The following NEGR1 variants were observed in gnomAD, a reference collection of about 807,000 sequenced individuals.
NEGR1 encodes the protein neuronal growth regulator 1, also known as IgLON family member 4.
Under a neutral mutation model 40.9 loss-of-function variants are expected in NEGR1, and 10 were observed. The observed-to-expected ratio is 0.24, with a 90% CI of 0.15 to 0.42. The LOEUF is 0.42. Among genes scored for constraint, NEGR1 ranks in the 10% least tolerant of loss-of-function variants. NEGR1 has a pLI of 1.00. For synonymous variants in NEGR1, 185 were observed against 166.8 expected (o/e 1.11, Z -0.84); for missense variants, 352 against 438.9 (o/e 0.80, Z 1.77).
intron 3 of NEGR1, among the ~76,000 whole-genome samples, chr1:71,772,372 C>G (rs1285245113): frequency 6.6e-6 from 1 of 151,692 alleles, no homozygotes; most frequent in African/African-American, 2.4e-5. Flanking sequence ...CCACTGCACT[C>G]TAGTCTAGGC....
chr1:72,008,264 T>A (rs1167782371), intron 1 of NEGR1, among the ~76,000 whole-genome samples: 3 of 152,184 alleles, frequency 2.0e-5, no homozygotes, highest in Non-Finnish European at 4.4e-5. Flanking sequence ...CAAAGAAGGT[T>A]AGAATTTTCC....
chr1:71,691,062 A>G (rs554236438), intron 4 of NEGR1, among the ~76,000 whole-genome samples: 3 of 152,080 alleles, frequency 2.0e-5, no homozygotes, highest in African/African-American at 7.2e-5. Flanking sequence ...AAATCCTCTT[A>G]ACAAAGATAA....
chr1:71,842,984 TA>T (rs1469989583), intron 2 of NEGR1, among the ~76,000 whole-genome samples: 1 of 152,238 alleles, frequency 6.6e-6, no homozygotes, highest in Non-Finnish European at 1.5e-5. Flanking sequence ...CACTATTTTT[TA>T]AAAAACTTAA....
At chr1:72,180,614 T>G (rs577203708) in intron 1 of NEGR1, among the ~76,000 whole-genome samples, 15 of 152,158 alleles carry the variant, frequency 9.9e-5, no homozygotes, top group Admixed American at 3.9e-4. Context: ...TACAATTCAA[T>G]AGTGAAAAAA....
At position 71,398,397 on chromosome 1, in the gene NEGR1, C is replaced by T. The variant is rs562246463; in HGVS notation, c.*9049G>A. 47 of 156,526 alleles carry T rather than the reference C, an allele frequency of 3.0e-4. No individual in the cohort carries two copies. The highest frequency in any genetic ancestry group is 5.3e-4 in the Non-Finnish European group (38 of 71,536). The allele number at this position is 156,526 out of a possible 1,614,324, so 9.7% of individuals were successfully genotyped here. On this transcript the variant is annotated 3_prime_UTR_variant, in exon 7 of 7. Coordinates refer to ENST00000357731, the MANE Select transcript of NEGR1 (RefSeq NM_173808.3). ...TGCCTAAGGCCATGGGAGCCCACCT[C>T]TTGCATCAGCATGACCTGGATGTGA...
intron 1 of NEGR1, among the ~76,000 whole-genome samples, chr1:71,999,070 C>T (rs1646531615): frequency 6.6e-6 from 1 of 151,876 alleles, no homozygotes. Context: ...CTATGAAACA[C>T]ACAAATGCCA....
chr1:71,973,124 G>T (rs1231496078), intron 1 of NEGR1, among the ~76,000 whole-genome samples: 1 of 152,010 alleles, frequency 6.6e-6, no homozygotes, highest in Non-Finnish European at 1.5e-5. Flanking sequence ...AGACCATCCT[G>T]GCTAACACGG....
At chr1:71,624,689 T>C (rs1444384940) in intron 4 of NEGR1, among the ~76,000 whole-genome samples, 1 of 151,902 alleles carries the variant, frequency 6.6e-6, no homozygotes, top group Non-Finnish European at 1.5e-5. Context: ...ATCCCTCAGA[T>C]ATTGACATGT....
chr1:71,644,630 T>G (rs577734501), intron 4 of NEGR1, among the ~76,000 whole-genome samples: 1 of 152,120 alleles, frequency 6.6e-6, no homozygotes. Context: ...GTGTGAGATC[T>G]TGAGAATGCA....
At chr1:72,145,535 G>C (rs771909118) in intron 1 of NEGR1, among the ~76,000 whole-genome samples, 2 of 152,112 alleles carry the variant, frequency 1.3e-5, no homozygotes, top group Non-Finnish European at 2.9e-5. Flanking sequence ...CATGCATCTT[G>C]CTTTTCTACA....
chr1:72,123,156 A>C (rs1205536177), intron 1 of NEGR1, among the ~76,000 whole-genome samples: 1 of 151,920 alleles, frequency 6.6e-6, no homozygotes, highest in Non-Finnish European at 1.5e-5. Flanking sequence ...CTTCTATTTT[A>C]ATTGTTTCTG....
chr1:72,028,105 T>G (rs1470477198), intron 1 of NEGR1, among the ~76,000 whole-genome samples: 1 of 152,204 alleles, frequency 6.6e-6, no homozygotes, highest in Non-Finnish European at 1.5e-5. Context: ...CCAGTTAGCC[T>G]AACCAATTAT....
intron 5 of NEGR1, among the ~76,000 whole-genome samples, chr1:71,600,928 G>A (rs567090068): frequency 6.6e-6 from 1 of 152,242 alleles, no homozygotes; most frequent in African/African-American, 2.4e-5. Flanking sequence ...GTTCCAAACC[G>A]AACTGAGCGT....
At chr1:71,410,859 G>A (rs927329412) in intron 6 of NEGR1, among the ~76,000 whole-genome samples, 4 of 152,098 alleles carry the variant, frequency 2.6e-5, no homozygotes, top group African/African-American at 9.7e-5. Context: ...TCAACTACTT[G>A]ATCTTAAGAA....
At chr1:72,001,198 G>A (rs1201693484) in intron 1 of NEGR1, among the ~76,000 whole-genome samples, 2 of 151,938 alleles carry the variant, frequency 1.3e-5, no homozygotes, top group East Asian at 3.9e-4. Context: ...ACTGTGAAAT[G>A]GCAACCATTT....
At chr1:71,693,927 C>A (rs889618927) in intron 4 of NEGR1, among the ~76,000 whole-genome samples, 1 of 151,728 alleles carries the variant, frequency 6.6e-6, no homozygotes, top group East Asian at 1.9e-4. Flanking sequence ...CTTGATTCAT[C>A]ACACTTTCTA....
Position 71,735,363 on chromosome 1 carries a change from A to G in NEGR1, c.536-37224T>C, listed in dbSNP as rs1008380603. Among the ~76,000 whole-genome samples the G allele has an allele frequency of 3.9e-5, 6 of 152,238 alleles. No individual in the cohort carries two copies. The Middle Eastern group carries it at 0.014, about 345-fold the overall frequency. On this transcript the variant is annotated intron_variant, in intron 3 of 6. Coordinates refer to ENST00000357731, the MANE Select transcript of NEGR1 (RefSeq NM_173808.3). ...TGATTTTTAACCCACCACTAACTGT[A>G]AGCTGTTGAGAGCACAAAATACATC...
chr1:71,942,996 A>G (rs1645982354), intron 1 of NEGR1, among the ~76,000 whole-genome samples: 1 of 134,960 alleles, frequency 7.4e-6, no homozygotes, highest in South Asian at 2.2e-4. Context: ...GTGTATATAT[A>G]TGTGTGTGTA....
chr1:71,923,222 T>C (rs1455502778), intron 2 of NEGR1, among the ~76,000 whole-genome samples: 2 of 152,144 alleles, frequency 1.3e-5, no homozygotes. Context: ...AATTAAAGCA[T>C]TTGTCTTCTA....
Sources: allele counts gnomAD v4.1 joint callset (sites outside exome capture counted in the v4.1 genomes callset), GRCh38; gene constraint gnomAD v4.1.1; transcripts MANE v1.5; gene names NCBI Gene and HGNC (gene_info 2026-07-23, HGNC 2026-07-21).